Variants in KIF17 observed in about 807,000 individuals in gnomAD.
KIF17 encodes kinesin-like protein KIF17.
In KIF17, 80 loss-of-function variants were observed where a neutral mutation model predicts 96.8. The ratio of observed to expected loss-of-function variants is 0.83; its 90% CI spans 0.69 to 1.00. The LOEUF is 1.00. Among genes scored for constraint, KIF17 ranks in the 50% least tolerant of loss-of-function variants. The probability of loss-of-function intolerance (pLI) is 0.00; values close to 1 mark genes in which losing one functional copy is unlikely to be tolerated. For missense variants in KIF17, 1,280 were observed against 1,372.9 expected (o/e 0.93, Z 1.07); for synonymous variants, 567 against 587.5 (o/e 0.97, Z 0.51).
Position 20,664,710 on chromosome 1 carries a change from G to C in KIF17, c.2961C>G (p.Ala987=). The stretch of plus-strand genomic sequence containing the variant: ...TTTCAGGGGCCTGGGTGGGTGGGAT[G>C]GCAGAGTTGTTGCTGAGTGGGCAGC... ...GLSCPLSNNS[A]IPPTQAPEMP... The change falls in exon 15 of 15, where the codon GCC becomes GCG. Residue 987 remains alanine, a synonymous_variant. Coordinates refer to ENST00000400463, the MANE Select transcript of KIF17 (RefSeq NM_001122819.3). The C allele has an allele frequency of 3.7e-6, 6 of 1,612,654 alleles. No homozygotes were observed. Among genetic ancestry groups the C allele is most frequent in the Non-Finnish European group, 5.1e-6 (6 of 1,179,854 alleles).
chr1:20,717,509 C>A lies in KIF17; in HGVS notation c.198G>T (p.Gln66His). 6.2e-7 allele frequency: 1 copy of A among 1,611,912 alleles called. No individual in the cohort carries two copies. Residue 66 changes from glutamine to histidine, a missense_variant, in exon 1 of 15, where the codon CAG (glutamine) becomes CAT (histidine). Gln to His is a conservative substitution (Grantham distance 24). Coordinates refer to ENST00000400463, the MANE Select transcript of KIF17 (RefSeq NM_001122819.3). ...GAYHVDHVTE[Q>H]IYNEIAYPLV... ...GCGGATAGGCGATCTCGTTGTAGAT[C>A]TGCTCGGTGACGTGGTCCACGTGGT... is the stretch of plus-strand genomic sequence containing the variant.
chr1:20,687,679 C>T lies in KIF17; in HGVS notation c.1647G>A (p.Val549=). 6.2e-7 allele frequency: 1 copy of T among 1,614,182 alleles called. No individual in the cohort carries two copies. The highest frequency in any genetic ancestry group is 2.2e-5 in the East Asian group (1 of 44,888). ...CCTCAGGCCCAGGGAAAGCCTCGGA[C>T]ACAGAGGTTTCTTCGAGCGAGGATG... is the stretch of plus-strand genomic sequence containing the variant. ...SESSSLEETS[V]SEAFPGPEEP... The change falls in exon 8 of 15, where the codon GTG becomes GTA. Residue 549 remains valine, a synonymous_variant. Transcript: ENST00000400463. The surrounding 1 kb of genome is among the most constrained non-coding windows in gnomAD (Gnocchi z 4.4).
At chr1:20,690,364 G>T in intron 6 of KIF17, 29 bp from the exon 7 acceptor site, 1 of 1,584,514 alleles carries the variant, frequency 6.3e-7, no homozygotes, top group Non-Finnish European at 8.6e-7. Flanking sequence ...CCAGAGGGCA[G>T]GCAGCATTTT....
Position 20,704,731 on chromosome 1 carries a change from C to T in KIF17, c.839G>A (p.Gly280Glu), listed in dbSNP as rs772411168. The change falls in exon 5 of 15, where the codon GGG (glycine) becomes GAG (glutamate). Residue 280 changes from glycine to glutamate, a missense_variant. Transcript: ENST00000400463. The surrounding 1 kb of genome is among the most constrained non-coding windows in gnomAD (Gnocchi z 6.8). Reference sequence around the variant, plus strand: ...ACGGTAGGGGACGTGCTTACAGCGCCCGTCCACCAGCGCCGAGATGACATT... The same window carrying T: ...ACGGTAGGGGACGTGCTTACAGCGCTCGTCCACCAGCGCCGAGATGACATT... ...LGNVISALVD[G>E]RCKHVPYRDS... 8.7e-6 allele frequency: 14 copies of T among 1,612,970 alleles called. No individual in the cohort carries two copies. Among genetic ancestry groups the T allele is most frequent in the Non-Finnish European group, 1.2e-5 (14 of 1,179,408 alleles).
chr1:20,712,645 A>C (rs1570484288), intron 3 of KIF17, among the ~76,000 whole-genome samples: 1 of 98,270 alleles, frequency 1.0e-5, no homozygotes, highest in East Asian at 2.6e-4. Context: ...TATATAATAT[A>C]GATAATATTA....
chr1:20,713,348 C>T, intron 3 of KIF17, 106 bp downstream of exon 3: 2 of 827,082 alleles, frequency 2.4e-6, no homozygotes, highest in Non-Finnish European at 4.0e-6. Context: ...CTCTAGCCTC[C>T]CAGTGCCGGC....
intron 4 of KIF17, among the ~76,000 whole-genome samples, chr1:20,707,468 G>A (rs143947002): frequency 4.6e-5 from 7 of 151,858 alleles, no homozygotes; most frequent in Non-Finnish European, 1.0e-4. Context: ...ACATTCACAG[G>A]AAAAAAGGAT....
downstream of KIF17, among the ~76,000 whole-genome samples, chr1:20,663,651 A>G (rs1027797481): frequency 6.6e-6 from 1 of 151,936 alleles, no homozygotes; most frequent in African/African-American, 2.4e-5. Flanking sequence ...TGTCCTAGGT[A>G]CCCCCCTATG....
chr1:20,704,169 T>TG lies in KIF17; in HGVS notation c.1123+277dup, dbSNP rs1271427285. ...GGTGTGGTGGGGGGTGTGGTGGGGGTGGGGGGGATAATGGATGAGCAGATG... is the reference window on the plus strand; with the variant it reads ...GGTGTGGTGGGGGGTGTGGTGGGGGTGGGGGGGGATAATGGATGAGCAGATG... On this transcript the variant is annotated intron_variant, in intron 5 of 14. Transcript: ENST00000400463. This position sits in a 1 kb window ranked among gnomAD's most constrained non-coding sequence, Gnocchi z 6.8. 1.7e-4 allele frequency among the ~76,000 whole-genome samples: 3 copies of TG among 17,844 alleles called. No individual in the cohort carries two copies. The highest frequency in any genetic ancestry group is 2.5e-4 in the Non-Finnish European group (2 of 7,994). The allele number at this position is 17,844 out of a possible 152,430, so 11.7% of individuals were successfully genotyped here. A position where few individuals can be genotyped will look rare whatever the true frequency, so the allele number is the denominator to read the frequency against.
intron 6 of KIF17, chr1:20,694,077 C>T (rs2054090581): frequency 6.6e-6 from 1 of 151,988 alleles, no homozygotes; most frequent in Admixed American, 6.6e-5. Context: ...AGAAGGCACC[C>T]TCCAAAGAGC....
rs1424026877 is a variant in KIF17 at position 20,699,515 on chromosome 1, G to A, written c.1124-1027C>T. Among the ~76,000 whole-genome samples the A allele has an allele frequency of 6.6e-6, 1 of 152,226 alleles. No homozygotes were observed. The highest frequency in any genetic ancestry group is 1.5e-5 in the Non-Finnish European group (1 of 68,042). The stretch of plus-strand genomic sequence containing the variant: ...AGATGGGCGGAGGTTGCAGTGAGCT[G>A]AGATGGCGCCACTGCACTCCAGCCT... On this transcript the variant is annotated intron_variant, in intron 5 of 14. Coordinates refer to ENST00000400463, the MANE Select transcript of KIF17 (RefSeq NM_001122819.3). The surrounding 1 kb of genome is among the most constrained non-coding windows in gnomAD (Gnocchi z 4.3).
At chr1:20,691,624 A>ATTTTTTTTTTTTTTT (rs72410884) in intron 6 of KIF17, among the ~76,000 whole-genome samples, 1 of 122,990 alleles carries the variant, frequency 8.1e-6, no homozygotes, top group African/African-American at 3.1e-5. Context: ...ACGTCTGGCT[A>ATTTTTTTTTTTTTTT]TTTTTTTTTT....
chr1:20,713,416 C>T, intron 3 of KIF17, 38 bp downstream of exon 3: 4 of 1,505,470 alleles, frequency 2.7e-6, no homozygotes, highest in Non-Finnish European at 3.7e-6. Flanking sequence ...AACCTCCCCC[C>T]TACCAGCCCC....
At position 20,687,290 on chromosome 1, in the gene KIF17, G is replaced by A; in HGVS notation, c.1938+98C>T. 4 of 1,347,210 alleles carry A rather than the reference G, an allele frequency of 3.0e-6. No homozygotes were observed. The highest frequency in any genetic ancestry group is 2.3e-5 in the South Asian group (2 of 85,360). The allele number at this position is 1,347,210 out of a possible 1,614,324, so 83.5% of individuals were successfully genotyped here. On this transcript the variant is annotated intron_variant, in intron 8 of 14. Coordinates refer to ENST00000400463, the MANE Select transcript of KIF17 (RefSeq NM_001122819.3). This position sits in a 1 kb window ranked among gnomAD's most constrained non-coding sequence, Gnocchi z 4.4. ...GTGGAGCCACGGCCTGAGTGTCGGA[G>A]GCCATGTGTGTGAACAGTGTGTGCA... is the stretch of plus-strand genomic sequence containing the variant.
rs2054468588 is a variant in KIF17 at position 20,712,632 on chromosome 1, A to ATATATAATATAGATATTATC, written c.480+821_480+822insGATAATATCTATATTATATA. Among the ~76,000 whole-genome samples, 15 of 26,866 alleles carry ATATATAATATAGATATTATC rather than the reference A, an allele frequency of 5.6e-4. 1 individual carries two copies. The highest frequency in any genetic ancestry group is 1.6e-3 in the African/African-American group (14 of 8,696). The allele number at this position is 26,866 out of a possible 152,430, so 17.6% of individuals were successfully genotyped here. On this transcript the variant is annotated intron_variant, in intron 3 of 14. Transcript: ENST00000400463. ...TATATATATAATATAGATAATATCT[A>ATATATAATATAGATATTATC]TATATATAATATAGATAATATTATC...
chr1:20,717,464 G>C lies in KIF17; in HGVS notation c.231+12C>G. The C allele has an allele frequency of 1.2e-6, 2 of 1,609,828 alleles. No homozygotes were observed. The highest frequency in any genetic ancestry group is 1.7e-6 in the Non-Finnish European group (2 of 1,179,490). On this transcript the variant is annotated intron_variant, in intron 1 of 14. Coordinates refer to ENST00000400463, the MANE Select transcript of KIF17 (RefSeq NM_001122819.3). ...CCTGCCGCCTGCAGGGCGGCCTGCCGGGCGCCCTCACCTCCACCAGCGGAT... is the reference window on the plus strand; with the variant it reads ...CCTGCCGCCTGCAGGGCGGCCTGCCCGGCGCCCTCACCTCCACCAGCGGAT...
chr1:20,674,069 C>T (rs1269079223), intron 11 of KIF17, among the ~76,000 whole-genome samples: 1 of 152,024 alleles, frequency 6.6e-6, no homozygotes, highest in Non-Finnish European at 1.5e-5. Context: ...GCTGGGACTA[C>T]AGGTGTGAGC....
chr1:20,698,820 T>C (rs1375853338), intron 5 of KIF17, among the ~76,000 whole-genome samples: 2 of 152,138 alleles, frequency 1.3e-5, no homozygotes, highest in Non-Finnish European at 2.9e-5. Context: ...ACTCCAGCCC[T>C]GCCTAAGCAC....
chr1:20,691,445 C>A (rs1262699151), intron 6 of KIF17, among the ~76,000 whole-genome samples: 1 of 151,848 alleles, frequency 6.6e-6, no homozygotes, highest in African/African-American at 2.4e-5. Context: ...CCACACCCAG[C>A]CTCTCAGTGC....
Sources: allele counts gnomAD v4.1 joint callset (sites outside exome capture counted in the v4.1 genomes callset), GRCh38; gene constraint gnomAD v4.1.1; non-coding constraint Gnocchi (gnomAD v3.1); transcripts MANE v1.5; gene names NCBI Gene and HGNC (gene_info 2026-07-23, HGNC 2026-07-21).